Variants in COMP observed in about 807,000 individuals in gnomAD.
The protein encoded by COMP is cartilage oligomeric matrix protein (pseudoachondroplasia, epiphyseal dysplasia 1, multiple).
In COMP, 79 loss-of-function variants were observed where a neutral mutation model predicts 95.8. The ratio of observed to expected loss-of-function variants is 0.82; its 90% CI spans 0.69 to 0.99. The LOEUF (loss-of-function observed/expected upper bound fraction) is 0.99. Among genes scored for constraint, COMP ranks in the 50% least tolerant of loss-of-function variants. The pLI, the probability that COMP is intolerant of heterozygous loss-of-function variation, is 0.00. For missense variants in COMP, 906 were observed against 1,076.1 expected, an observed-to-expected ratio of 0.84 and a Z score of 2.21; for synonymous variants, 438 against 433.9, an observed-to-expected ratio of 1.01 and a Z score of -0.12.
At position 18,784,541 on chromosome 19, in the gene COMP, G is replaced by C. The variant is rs1168475778; in HGVS notation, c.1915-178C>G. Among the ~76,000 whole-genome samples, 1 of 152,126 alleles carries C rather than the reference G, an allele frequency of 6.6e-6. No homozygotes were observed. Among genetic ancestry groups the C allele is most frequent in the Non-Finnish European group, 1.5e-5 (1 of 68,032 alleles). ...ATGGCAGCTTGGGGATAGGTCACAGGGGGCAGCAGTGGTCTGCAGGTTCAT... is the reference window on the plus strand; with the variant it reads ...ATGGCAGCTTGGGGATAGGTCACAGCGGGCAGCAGTGGTCTGCAGGTTCAT... On this transcript the variant is annotated intron_variant, in intron 16 of 18. Transcript: ENST00000222271. This position sits in a 1 kb window ranked among gnomAD's most constrained non-coding sequence, Gnocchi z 4.9.
intron 10 of COMP, 94 bp downstream of exon 10, chr19:18,787,397 G>A: frequency 6.4e-7 from 1 of 1,572,222 alleles, no homozygotes; most frequent in Admixed American, 1.7e-5. Context: ...TACCCCATCC[G>A]GCTTCCAAAA....
Position 18,786,013 on chromosome 19 carries a change from G to A in COMP, c.1441C>T (p.Arg481Trp), listed in dbSNP as rs762683869. The A allele has an allele frequency of 4.3e-6, 7 of 1,612,168 alleles. No homozygotes were observed. Among genetic ancestry groups the A allele is most frequent in the Admixed American group, 3.3e-5 (2 of 59,900 alleles). ...TTAGGCACCAGGCGGCAGTTGTCCC[G>A]ACTGTCAGGGACTCCGTCATTGTCG... is the stretch of plus-strand genomic sequence containing the variant. Reference protein sequence around the residue: ...DDDNDGVPDSRDNCRLVPNPG... With the variant: ...DDDNDGVPDSWDNCRLVPNPG... Residue 481 changes from arginine (R) to tryptophan (W), a missense_variant, in exon 13 of 19, where the codon CGG (arginine) becomes TGG (tryptophan). Arg to Trp is a moderately radical substitution (Grantham distance 101, BLOSUM62 -3). Coordinates refer to ENST00000222271, the MANE Select transcript of COMP (RefSeq NM_000095.3).
At chr19:18,785,941 C>T (rs767746261) in intron 13 of COMP, 24 bp downstream of exon 13, 2 of 1,572,194 alleles carry the variant, frequency 1.3e-6, no homozygotes, top group South Asian at 1.2e-5. Context: ...CCCGCCCCCA[C>T]CGCAGGCCCC....
In COMP at chr19:18,791,107, A is replaced by G. The variant is rs2055210289; in HGVS notation, c.79+84T>C. The G allele has an allele frequency of 6.6e-6, 10 of 1,524,640 alleles. No homozygotes were observed. The Middle Eastern group carries it at 5.1e-4, about 77-fold the overall frequency. 94.4% of individuals were successfully genotyped at this position (1,524,640 alleles called of 1,614,324 possible). A position where few individuals can be genotyped will look rare whatever the true frequency, so the allele number is the denominator to read the frequency against. On this transcript the variant is annotated intron_variant, in intron 1 of 18. Transcript: ENST00000222271. The stretch of plus-strand genomic sequence containing the variant: ...CCCCTACGAACAGTCCGTGAGCCCC[A>G]AACAGCCTGGATCCCGGGCCTCTCA...
rs775886619 is a variant in COMP at position 18,783,186 on chromosome 19, A to C, written c.2095T>G (p.Phe699Val). 4 of 1,607,834 alleles carry C rather than the reference A, an allele frequency of 2.5e-6. No homozygotes were observed. The highest frequency in any genetic ancestry group is 3.3e-5 in the Admixed American group (2 of 60,006). The change falls in exon 18 of 19, where the codon TTC (phenylalanine) becomes GTC (valine). Residue 699 changes from phenylalanine (F) to valine (V), a missense_variant. Transcript: ENST00000222271. ...GCCACCAGCTCAGGGCCCTCATAGA[A>C]TCGCACCCTGAGGGTCAGACATGGT... The part of the protein sequence containing the change: ...RPQVGYIRVR[F>V]YEGPELVADS...
In COMP at chr19:18,784,302, TCTCCTGTATGC is replaced by T; in HGVS notation, c.1965_1975del (p.Trp655Ter). The stretch of plus-strand genomic sequence containing the variant: ...CAGCAGCCGCACCTGGGACTCTGTG[TCTCCTGTATGC>T]CACAGAGCGTTCCGCAGCTGTTCCC... On this transcript the variant is annotated stop_gained and frameshift_variant, in exon 17 of 19. Coordinates refer to ENST00000222271, the MANE Select transcript of COMP (RefSeq NM_000095.3). LOFTEE classifies it high-confidence loss of function. This position sits in a 1 kb window ranked among gnomAD's most constrained non-coding sequence, Gnocchi z 4.9. The T allele has an allele frequency of 6.2e-7, 1 of 1,614,008 alleles. No homozygotes were observed. Among genetic ancestry groups the T allele is most frequent in the South Asian group, 1.1e-5 (1 of 91,072 alleles).
chr19:18,789,582 G>A lies in COMP; in HGVS notation c.391-285C>T, dbSNP rs909191910. 2.0e-5 allele frequency among the ~76,000 whole-genome samples: 3 copies of A among 151,604 alleles called. No homozygotes were observed. The highest frequency in any genetic ancestry group is 2.1e-4 in the South Asian group (1 of 4,794). On this transcript the variant is annotated intron_variant, in intron 4 of 18. Coordinates refer to ENST00000222271, the MANE Select transcript of COMP (RefSeq NM_000095.3). This position sits in a 1 kb window ranked among gnomAD's most constrained non-coding sequence, Gnocchi z 6.1. ...AGGGGTCGTCGGGGCGTGCGTGCCC[G>A]GCGGTGGCGGGGGGTCTGGGCGTGC...
chr19:18,789,957 G>T lies in COMP; in HGVS notation c.375C>A (p.Cys125Ter), dbSNP rs1194117558. ...GCTAGCGCACCTCGTTGACGTCGGTGCAGTGCGAGCCGTTGCCCGTGAAGC... is the reference window on the plus strand; with the variant it reads ...GCTAGCGCACCTCGTTGACGTCGGTTCAGTGCGAGCCGTTGCCCGTGAAGC... ...PAGFTGNGSH[C>*]TDVNECNAHP... is the part of the protein sequence containing the mutation. The change falls in exon 4 of 19, where the codon TGC becomes TGA. Residue 125 changes from cysteine to a stop codon, truncating the protein, a stop_gained. Coordinates refer to ENST00000222271, the MANE Select transcript of COMP (RefSeq NM_000095.3). LOFTEE classifies it high-confidence loss of function. The surrounding 1 kb of genome is among the most constrained non-coding windows in gnomAD (Gnocchi z 6.1). 6.3e-7 allele frequency: 1 copy of T among 1,593,018 alleles called. No individual in the cohort carries two copies. Among genetic ancestry groups the T allele is most frequent in the Admixed American group, 1.7e-5 (1 of 59,162 alleles).
intron 9 of COMP, among the ~76,000 whole-genome samples, chr19:18,787,867 TTTC>T (rs566201136): frequency 0.033 from 3,655 of 111,088 alleles, 127 homozygotes; most frequent in Middle Eastern, 0.055. Flanking sequence ...TCTTTTTCTC[TTTC>T]TTTCTTTCTT....
chr19:18,787,677 A>AGAT (rs977195833), intron 9 of COMP, 27 bp from the exon 10 acceptor site: 30 of 1,612,110 alleles, frequency 1.9e-5, no homozygotes. Flanking sequence ...GTTAAGGGTG[A>AGAT]GATCAGGTCG....
intron 11 of COMP, 22 bp downstream of exon 11, chr19:18,786,510 C>T: frequency 1.2e-6 from 2 of 1,603,328 alleles, no homozygotes; most frequent in Non-Finnish European, 8.5e-7. Flanking sequence ...GCTTACCCAG[C>T]TGGAGTCTGG....
chr19:18,790,070 G>C lies in COMP; in HGVS notation c.262C>G (p.Leu88Val). Residue 88 changes from leucine to valine, a missense_variant, in exon 4 of 19, where the codon CTG becomes GTG. Leu to Val is a conservative substitution (Grantham distance 32, BLOSUM62 1). Transcript: ENST00000222271. ...VRTGLPSVRP[L>V]LHCAPGFCFP... is the part of the protein sequence containing the mutation. ...CAGAAGCCGGGCGCGCAGTGGAGCA[G>C]GGGCCGCACGCTGGGTAGGCCGGTG... is the stretch of plus-strand genomic sequence containing the variant. The C allele has an allele frequency of 6.5e-7, 1 of 1,548,720 alleles. No individual in the cohort carries two copies. The highest frequency in any genetic ancestry group is 8.7e-7 in the Non-Finnish European group (1 of 1,151,590).
chr19:18,784,277 C>T lies in COMP; in HGVS notation c.2001G>A (p.Leu667=), dbSNP rs2055148703. The change falls in exon 17 of 19, where the codon CTG becomes CTA. Residue 667 remains leucine (L), a synonymous_variant. Transcript: ENST00000222271. The surrounding 1 kb of genome is among the most constrained non-coding windows in gnomAD (Gnocchi z 4.9). ...AACCCACGTTTCGCGGGTCCTTCCA[C>T]AGCAGCCGCACCTGGGACTCTGTGT... is the stretch of plus-strand genomic sequence containing the variant. The part of the protein sequence containing the change: ...TGDTESQVRL[L]WKDPRNVGWK... 1 of 1,614,110 alleles carries T rather than the reference C, an allele frequency of 6.2e-7. No individual in the cohort carries two copies. The highest frequency in any genetic ancestry group is 8.5e-7 in the Non-Finnish European group (1 of 1,180,038).
Position 18,783,058 on chromosome 19 carries a change from G to A in COMP, c.2223C>T (p.Cys741=). 6.2e-7 allele frequency: 1 copy of A among 1,612,262 alleles called. No homozygotes were observed. The highest frequency in any genetic ancestry group is 1.1e-5 in the South Asian group (1 of 91,086). The change falls in exon 18 of 19, where the codon TGC becomes TGT. Residue 741 remains cysteine, a synonymous_variant. Coordinates refer to ENST00000222271, the MANE Select transcript of COMP (RefSeq NM_000095.3). Reference sequence around the variant, plus strand: ...GCCCGCTGGCCCTCGGCTCACCATTGCAGCGGTAACGCAGGTTGGCCCAGA... The same window carrying A: ...GCCCGCTGGCCCTCGGCTCACCATTACAGCGGTAACGCAGGTTGGCCCAGA... ...NIIWANLRYR[C]NDTIPEDYET... is the part of the protein sequence containing the mutation.
In COMP at chr19:18,789,095, A is replaced by T; in HGVS notation, c.528+65T>A. On this transcript the variant is annotated intron_variant, in intron 5 of 18. Coordinates refer to ENST00000222271, the MANE Select transcript of COMP (RefSeq NM_000095.3). This position sits in a 1 kb window ranked among gnomAD's most constrained non-coding sequence, Gnocchi z 6.1. ...TGGAAGGAGGCTGGAAGAGGAGTTT[A>T]CTGGTAAACAAAATGGACGCCCCCT... 6.4e-7 allele frequency: 1 copy of T among 1,564,618 alleles called. No homozygotes were observed.
chr19:18,791,277 GC>G lies in COMP; in HGVS notation c.-9del. The G allele has an allele frequency of 6.3e-7, 1 of 1,588,934 alleles. No homozygotes were observed. Among genetic ancestry groups the G allele is most frequent in the Non-Finnish European group, 8.5e-7 (1 of 1,170,068 alleles). ...GGCGGTGTCGGGGACCATGGCGGTG[GC>G]GGGGAGCTGGGTGGCTGCTCGCTTT... On this transcript the variant is annotated 5_prime_UTR_variant, in exon 1 of 19. Coordinates refer to ENST00000222271, the MANE Select transcript of COMP (RefSeq NM_000095.3).
intron 10 of COMP, 141 bp downstream of exon 10, chr19:18,787,350 C>T: frequency 8.2e-7 from 1 of 1,214,958 alleles, no homozygotes; most frequent in Non-Finnish European, 1.2e-6. Context: ...TCTGGCGCCC[C>T]ACCATGGTCT....
intron 1 of COMP, 60 bp downstream of exon 1, chr19:18,791,131 C>A: frequency 1.3e-6 from 2 of 1,541,920 alleles, no homozygotes; most frequent in Non-Finnish European, 8.8e-7. Context: ...CCGGGCCTCT[C>A]ACGGGTCCTA....
intron 9 of COMP, among the ~76,000 whole-genome samples, chr19:18,787,926 A>G (rs1470006232): frequency 2.5e-5 from 2 of 79,510 alleles, no homozygotes; most frequent in South Asian, 3.3e-4. Context: ...TTTTTTTGAG[A>G]CAGAGTCTTG....
Sources: gnomAD v4.1 joint callset for allele counts (sites outside exome capture counted in the v4.1 genomes callset) on GRCh38, gnomAD v4.1.1 for gene constraint, Gnocchi (gnomAD v3.1) non-coding constraint, MANE v1.5 for transcripts, NCBI Gene and HGNC (gene_info 2026-07-23, HGNC 2026-07-21) for gene names.